Variants in GRIK1 observed in about 807,000 individuals in gnomAD.
GRIK1 encodes glutamate receptor ionotropic, kainate 1.
A neutral mutation model predicts 105.7 loss-of-function variants in GRIK1; 69 were observed. The observed-to-expected ratio is 0.65, with a 90% confidence interval of 0.54 to 0.80. The LOEUF (loss-of-function observed/expected upper bound fraction) is 0.80, where lower values mean the gene tolerates loss of function less well. Among genes scored for constraint, GRIK1 ranks in the 30% least tolerant of loss-of-function variants. GRIK1 has a pLI of 0.00. For synonymous variants in GRIK1, 438 were observed against 431.3 expected, an observed-to-expected ratio of 1.02 and a Z score of -0.19; for missense variants, 1,109 against 1,167.3, an observed-to-expected ratio of 0.95 and a Z score of 0.73.
intron 1 of GRIK1, among the ~76,000 whole-genome samples, chr21:29,780,025 A>G (rs1266492474): frequency 6.6e-6 from 1 of 152,214 alleles, no homozygotes; most frequent in East Asian, 1.9e-4. Context: ...GTCTTGGTCA[A>G]GTTATCTAAC....
chr21:29,607,397 A>G (rs2146355320), intron 7 of GRIK1, among the ~76,000 whole-genome samples: 1 of 150,410 alleles, frequency 6.6e-6, no homozygotes, highest in African/African-American at 2.5e-5. Context: ...ATCTCTGGAA[A>G]TTAAAAAAAA....
At chr21:29,545,568 G>T (rs554036706) in intron 16 of GRIK1, among the ~76,000 whole-genome samples, 1 of 152,166 alleles carries the variant, frequency 6.6e-6, no homozygotes, top group African/African-American at 2.4e-5. Context: ...TTCTCTACAG[G>T]GAATGGCACT....
At chr21:29,617,314 A>G (rs879921291) in intron 7 of GRIK1, among the ~76,000 whole-genome samples, 3 of 152,202 alleles carry the variant, frequency 2.0e-5, no homozygotes, top group Admixed American at 1.3e-4. Flanking sequence ...CTGCTGCAGA[A>G]AGTCAGTCTC....
chr21:29,871,675 GAATCGTA>G lies in GRIK1; in HGVS notation c.118+67701_118+67707del, dbSNP rs2069016645. Among the ~76,000 whole-genome samples, 5 of 151,648 alleles carry G rather than the reference GAATCGTA, an allele frequency of 3.3e-5. No individual in the cohort carries two copies. The South Asian group carries it at 1.0e-3, about 32-fold the overall frequency. ...GAAAGGACCCTGGACTCAAAGTTTT[GAATCGTA>G]AGTCCTTGTGTTTTCTCAAGACCTG... On this transcript the variant is annotated intron_variant, in intron 1 of 17. Coordinates refer to ENST00000327783, the MANE Select transcript of GRIK1 (RefSeq NM_001330994.2).
At chr21:29,803,858 G>A (rs2066781653) in intron 1 of GRIK1, among the ~76,000 whole-genome samples, 2 of 151,982 alleles carry the variant, frequency 1.3e-5, no homozygotes, top group Admixed American at 6.6e-5. Context: ...ACACATGATC[G>A]AGGATGATCC....
chr21:29,767,515 G>GAA (rs78865885), intron 1 of GRIK1, among the ~76,000 whole-genome samples: 7 of 141,140 alleles, frequency 5.0e-5, no homozygotes, highest in African/African-American at 1.3e-4. Context: ...GAGAAAGATG[G>GAA]AAAAAAAAAA....
intron 1 of GRIK1, among the ~76,000 whole-genome samples, chr21:29,880,383 C>T (rs1286633826): frequency 6.6e-6 from 1 of 152,076 alleles, no homozygotes; most frequent in East Asian, 1.9e-4. Context: ...AATGGTCTGG[C>T]AAGATAGCAA....
At chr21:29,903,059 T>C (rs2070468817) in intron 1 of GRIK1, among the ~76,000 whole-genome samples, 1 of 152,158 alleles carries the variant, frequency 6.6e-6, no homozygotes, top group Admixed American at 6.5e-5. Flanking sequence ...TAAATGATAT[T>C]GGGAAAACTG....
intron 1 of GRIK1, among the ~76,000 whole-genome samples, chr21:29,815,051 C>A (rs754562151): frequency 6.6e-6 from 1 of 152,204 alleles, no homozygotes; most frequent in Admixed American, 6.5e-5. Flanking sequence ...ATGCCTTGTT[C>A]CCAATAAGTG....
chr21:29,652,737 G>A (rs1469150407), intron 5 of GRIK1, among the ~76,000 whole-genome samples: 1 of 152,058 alleles, frequency 6.6e-6, no homozygotes, highest in Non-Finnish European at 1.5e-5. Context: ...CATTTAACAG[G>A]AAAAATACTT....
At chr21:29,814,115 T>TAA (rs2067087258) in intron 1 of GRIK1, among the ~76,000 whole-genome samples, 1 of 145,308 alleles carries the variant, frequency 6.9e-6, no homozygotes, top group Non-Finnish European at 1.5e-5. Flanking sequence ...ATAATAATAA[T>TAA]TATTATTTTT....
chr21:29,584,673 A>G (rs1335010214), intron 12 of GRIK1, among the ~76,000 whole-genome samples: 3 of 152,216 alleles, frequency 2.0e-5, no homozygotes. Flanking sequence ...CTTTAAAAGA[A>G]CATAAGAGAA....
At chr21:29,849,699 GCTTAC>G (rs1402075009) in intron 1 of GRIK1, among the ~76,000 whole-genome samples, 15 of 152,162 alleles carry the variant, frequency 9.9e-5, no homozygotes, top group Admixed American at 2.0e-4. Context: ...CAATTTCTCA[GCTTAC>G]CTCTAATGAG....
At chr21:29,917,709 C>T (rs2071045252) in intron 1 of GRIK1, among the ~76,000 whole-genome samples, 1 of 151,938 alleles carries the variant, frequency 6.6e-6, no homozygotes, top group Non-Finnish European at 1.5e-5. Context: ...GGTTCTACCC[C>T]CACATATTTT....
intron 1 of GRIK1, among the ~76,000 whole-genome samples, chr21:29,777,348 A>C (rs2065973055): frequency 6.6e-6 from 1 of 152,182 alleles, no homozygotes; most frequent in Admixed American, 6.5e-5. Context: ...ATTAATCATT[A>C]ACAAGGTCCC....
intron 7 of GRIK1, among the ~76,000 whole-genome samples, chr21:29,634,268 A>G (rs1471091204): frequency 1.3e-5 from 2 of 152,250 alleles, no homozygotes; most frequent in Non-Finnish European, 2.9e-5. Flanking sequence ...ATATATTCAA[A>G]TGTATAATCT....
intron 7 of GRIK1, among the ~76,000 whole-genome samples, chr21:29,638,176 G>C (rs903546543): frequency 6.6e-6 from 1 of 151,906 alleles, no homozygotes; most frequent in East Asian, 1.9e-4. Context: ...ATAAAGGAAA[G>C]AGGTTTAATT....
intron 16 of GRIK1, among the ~76,000 whole-genome samples, chr21:29,544,723 TA>T (rs1241137394): frequency 1.3e-5 from 2 of 152,214 alleles, no homozygotes; most frequent in South Asian, 2.1e-4. Context: ...CTTTGAATTG[TA>T]AAAGTTTGAC....
At chr21:29,795,027 AATTTTTTTTTTT>A (rs1225151799) in intron 1 of GRIK1, among the ~76,000 whole-genome samples, 2 of 82,152 alleles carry the variant, frequency 2.4e-5, no homozygotes, top group African/African-American at 8.4e-5. Context: ...CTTTGCTCTA[AATTTTTTTTTTT>A]TTTTTTTTTT....
Sources: gnomAD v4.1 joint callset for allele counts (sites outside exome capture counted in the v4.1 genomes callset) on GRCh38, gnomAD v4.1.1 for gene constraint, MANE v1.5 for transcripts, NCBI Gene and HGNC (gene_info 2026-07-23, HGNC 2026-07-21) for gene names.